Variants in GRID2 observed in about 807,000 individuals in gnomAD.
GRID2 encodes the protein glutamate receptor ionotropic, delta-2.
A neutral mutation model predicts 114.8 loss-of-function variants in GRID2; 33 were observed. That is an observed-to-expected ratio of 0.29 (90% confidence interval 0.22 to 0.38). The LOEUF is 0.38. Among genes scored for constraint, GRID2 ranks in the 10% least tolerant of loss-of-function variants. The pLI, the probability that GRID2 is intolerant of heterozygous loss-of-function variation, is 1.00. For missense variants in GRID2, 1,184 were observed against 1,257.7 expected (o/e 0.94, Z 0.89); for synonymous variants, 505 against 449.9 (o/e 1.12, Z -1.55).
At chr4:93,785,737 C>T (rs901649888) in intron 1 of GRID2, among the ~76,000 whole-genome samples, 3 of 152,052 alleles carry the variant, frequency 2.0e-5, no homozygotes, top group Middle Eastern at 3.2e-3. Context: ...CCAGGAGAAA[C>T]TTCGGGAATG....
chr4:92,675,963 T>C (rs1459059028), intron 2 of GRID2, among the ~76,000 whole-genome samples: 1 of 152,108 alleles, frequency 6.6e-6, no homozygotes, highest in Admixed American at 6.5e-5. Flanking sequence ...AATACAGCCC[T>C]ACGCTATATG....
Position 92,600,044 on chromosome 4 carries a change from GTATATATA to G in GRID2, c.244+9796_244+9803del, listed in dbSNP as rs70942915. Among the ~76,000 whole-genome samples the G allele has an allele frequency of 9.5e-3, 518 of 54,410 alleles. 6 individuals are homozygous for G. The highest frequency in any genetic ancestry group is 0.026 in the Middle Eastern group (2 of 76). The allele number at this position is 54,410 out of a possible 152,430, so 35.7% of individuals were successfully genotyped here. ...CATGTATGTGTGTGTGTGTGTGTGTGTATATATATATATATATATATATATATATATAT... is the reference window on the plus strand; with the variant it reads ...CATGTATGTGTGTGTGTGTGTGTGTGTATATATATATATATATATATATAT... On this transcript the variant is annotated intron_variant, in intron 2 of 15. Transcript: ENST00000282020.
At chr4:93,279,905 C>A (rs1384746657) in intron 8 of GRID2, among the ~76,000 whole-genome samples, 2 of 151,894 alleles carry the variant, frequency 1.3e-5, no homozygotes, top group Non-Finnish European at 2.9e-5. Context: ...TTTTGAAGGG[C>A]ATTGTATGCG....
At chr4:93,720,443 C>T (rs988186602) in intron 14 of GRID2, among the ~76,000 whole-genome samples, 1 of 152,060 alleles carries the variant, frequency 6.6e-6, no homozygotes, top group Non-Finnish European at 1.5e-5. Context: ...TCTTTTCATT[C>T]TTTGAATAAA....
intron 4 of GRID2, among the ~76,000 whole-genome samples, chr4:93,130,958 C>A (rs192848070): frequency 6.6e-6 from 1 of 152,068 alleles, no homozygotes; most frequent in Non-Finnish European, 1.5e-5. Flanking sequence ...TGCCTTTCAT[C>A]TTTCTATGAG....
intron 2 of GRID2, among the ~76,000 whole-genome samples, chr4:92,701,305 A>C (rs1734666082): frequency 6.6e-6 from 1 of 152,200 alleles, no homozygotes; most frequent in Non-Finnish European, 1.5e-5. Context: ...ATGATTATCC[A>C]AGCACTTTCA....
chr4:93,061,273 T>C (rs893459714), intron 2 of GRID2, among the ~76,000 whole-genome samples: 1 of 151,194 alleles, frequency 6.6e-6, no homozygotes, highest in African/African-American at 2.4e-5. Context: ...TTCTTATCTG[T>C]GAGTGGGCTG....
chr4:93,195,196 C>T (rs1741368880), intron 4 of GRID2, among the ~76,000 whole-genome samples: 1 of 152,104 alleles, frequency 6.6e-6, no homozygotes, highest in African/African-American at 2.4e-5. Flanking sequence ...GTTTGAGTTA[C>T]TGGTACAGAT....
At chr4:92,328,045 T>C (rs1726686521) in intron 1 of GRID2, among the ~76,000 whole-genome samples, 1 of 152,000 alleles carries the variant, frequency 6.6e-6, no homozygotes, top group African/African-American at 2.4e-5. Context: ...TATAAAGTGA[T>C]AAATGCTCAT....
chr4:92,331,835 A>C (rs1482138011), intron 1 of GRID2, among the ~76,000 whole-genome samples: 2 of 152,182 alleles, frequency 1.3e-5, no homozygotes, highest in African/African-American at 2.4e-5. Context: ...CACACAATAG[A>C]GGCAGGAACA....
At chr4:92,665,663 C>T (rs1732735017) in intron 2 of GRID2, among the ~76,000 whole-genome samples, 1 of 150,226 alleles carries the variant, frequency 6.7e-6, no homozygotes, top group African/African-American at 2.4e-5. Flanking sequence ...TTATTTTTCT[C>T]TAACTTTTGA....
chr4:93,669,181 C>G (rs1724192619), intron 14 of GRID2, among the ~76,000 whole-genome samples: 1 of 151,968 alleles, frequency 6.6e-6, no homozygotes, highest in Non-Finnish European at 1.5e-5. Context: ...ATTAGACATA[C>G]AGGAAGCCTC....
intron 14 of GRID2, among the ~76,000 whole-genome samples, chr4:93,727,334 G>C (rs1730014222): frequency 6.6e-6 from 1 of 152,290 alleles, no homozygotes; most frequent in Admixed American, 6.5e-5. Flanking sequence ...CAGGGATGAA[G>C]CCCACTTGAT....
chr4:93,727,512 C>G (rs111338851), intron 14 of GRID2, among the ~76,000 whole-genome samples: 10,657 of 152,068 alleles, frequency 0.07, 1,030 homozygotes, highest in African/African-American at 0.22. Context: ...AAATGAGTTA[C>G]GGAGGATTCC....
At chr4:92,936,334 T>A (rs1054173707) in intron 2 of GRID2, among the ~76,000 whole-genome samples, 12 of 146,508 alleles carry the variant, frequency 8.2e-5, no homozygotes, top group African/African-American at 2.9e-4. Flanking sequence ...AAAATTACAC[T>A]AAGGCATTAT....
At chr4:93,394,139 A>G (rs1765108162) in intron 8 of GRID2, among the ~76,000 whole-genome samples, 2 of 152,042 alleles carry the variant, frequency 1.3e-5, no homozygotes, top group Admixed American at 1.3e-4. Flanking sequence ...ACCTCAGAAG[A>G]GAAAAGCTCA....
At chr4:93,676,560 G>A (rs892374522) in intron 14 of GRID2, among the ~76,000 whole-genome samples, 2 of 151,818 alleles carry the variant, frequency 1.3e-5, no homozygotes, top group African/African-American at 4.8e-5. Context: ...CCCTTGTTAT[G>A]GTTACAAATT....
At chr4:93,682,533 A>T (rs1190111056) in intron 14 of GRID2, among the ~76,000 whole-genome samples, 2 of 152,118 alleles carry the variant, frequency 1.3e-5, no homozygotes, top group East Asian at 1.9e-4. Flanking sequence ...AACCAAGCCA[A>T]ATGTCCAACA....
At chr4:93,692,384 T>G (rs541793861) in intron 14 of GRID2, among the ~76,000 whole-genome samples, 3 of 152,258 alleles carry the variant, frequency 2.0e-5, no homozygotes, top group Admixed American at 2.0e-4. Flanking sequence ...AAAAGCCCTA[T>G]AAATGCCCTC....
Sources: gnomAD v4.1 joint callset for allele counts (sites outside exome capture counted in the v4.1 genomes callset) on GRCh38, gnomAD v4.1.1 for gene constraint, MANE v1.5 for transcripts, NCBI Gene and HGNC (gene_info 2026-07-23, HGNC 2026-07-21) for gene names.